The following TMEM132C variants were observed in gnomAD, a reference collection of about 807,000 sequenced individuals.
The protein encoded by TMEM132C is transmembrane protein 132C.
TMEM132C carries 29 observed loss-of-function variants against 61.4 expected under a neutral mutation model. The ratio of observed to expected loss-of-function variants is 0.47; its 90% CI spans 0.35 to 0.64. TMEM132C has a LOEUF of 0.64. TMEM132C is among the 30% of genes least tolerant of loss of function. The pLI, the probability that TMEM132C is intolerant of heterozygous loss-of-function variation, is 0.00. For synonymous variants in TMEM132C, 656 were observed against 633.1 expected (o/e 1.04, Z -0.54); for missense variants, 1,408 against 1,476.9 (o/e 0.95, Z 0.76).
chr12:128,477,939 CATG>C (rs1348982379), intron 2 of TMEM132C, among the ~76,000 whole-genome samples: 2 of 152,120 alleles, frequency 1.3e-5, no homozygotes, highest in Non-Finnish European at 2.9e-5. Flanking sequence ...TTGGTCTCTC[CATG>C]ATGAAAATTG....
intron 4 of TMEM132C, among the ~76,000 whole-genome samples, chr12:128,662,924 T>C (rs1412934619): frequency 6.6e-6 from 1 of 152,130 alleles, no homozygotes; most frequent in Non-Finnish European, 1.5e-5. Flanking sequence ...GAGCCACGAA[T>C]GTGTCTGTTC....
chr12:128,551,063 A>G (rs1247504376), intron 3 of TMEM132C, among the ~76,000 whole-genome samples: 1 of 151,982 alleles, frequency 6.6e-6, no homozygotes, highest in East Asian at 1.9e-4. Flanking sequence ...AATGTGAACT[A>G]TTTCCCTCTC....
chr12:128,558,339 G>A (rs1874399276), intron 3 of TMEM132C, among the ~76,000 whole-genome samples: 1 of 152,160 alleles, frequency 6.6e-6, no homozygotes, highest in Non-Finnish European at 1.5e-5. Context: ...CCCGGTGGGA[G>A]GGAATTGAAT....
intron 2 of TMEM132C, among the ~76,000 whole-genome samples, chr12:128,475,331 T>C (rs113021406): frequency 6.4e-4 from 98 of 152,194 alleles, no homozygotes; most frequent in African/African-American, 2.3e-3. Flanking sequence ...CATAATTTCA[T>C]TTATATAAAA....
At chr12:128,537,859 A>C (rs989512315) in intron 2 of TMEM132C, among the ~76,000 whole-genome samples, 1 of 152,220 alleles carries the variant, frequency 6.6e-6, no homozygotes, top group Non-Finnish European at 1.5e-5. Flanking sequence ...GGCTTTGACA[A>C]TGGACCACAA....
At chr12:128,311,593 G>T (rs1308154397) in intron 1 of TMEM132C, among the ~76,000 whole-genome samples, 2 of 152,194 alleles carry the variant, frequency 1.3e-5, no homozygotes, top group African/African-American at 2.4e-5. Flanking sequence ...CCAGAGGTGC[G>T]CTTAGCTCAC....
At chr12:128,587,186 G>C (rs1875579971) in intron 3 of TMEM132C, among the ~76,000 whole-genome samples, 1 of 152,198 alleles carries the variant, frequency 6.6e-6, no homozygotes, top group South Asian at 2.1e-4. Context: ...ACATAAGATG[G>C]TATCTTAGTT....
At chr12:128,366,443 C>G (rs944353472) in intron 1 of TMEM132C, among the ~76,000 whole-genome samples, 1 of 152,188 alleles carries the variant, frequency 6.6e-6, no homozygotes, top group Non-Finnish European at 1.5e-5. Flanking sequence ...CCTTAATGAC[C>G]TTCTGGCTCC....
intron 3 of TMEM132C, among the ~76,000 whole-genome samples, chr12:128,600,750 C>A (rs1206299843): frequency 6.6e-6 from 1 of 152,250 alleles, no homozygotes; most frequent in Non-Finnish European, 1.5e-5. Flanking sequence ...CCATGGACCA[C>A]AATGATGCGC....
chr12:128,319,803 G>T (rs1872272050), intron 1 of TMEM132C, among the ~76,000 whole-genome samples: 1 of 150,960 alleles, frequency 6.6e-6, no homozygotes, highest in Non-Finnish European at 1.5e-5. Flanking sequence ...TCCAGCCTGG[G>T]TGACAGAGTG....
At chr12:128,671,350 C>T (rs1406544412) in intron 5 of TMEM132C, among the ~76,000 whole-genome samples, 13 of 152,152 alleles carry the variant, frequency 8.5e-5, no homozygotes, top group Non-Finnish European at 8.8e-5. Context: ...CATGATGCTA[C>T]ACCACAATGC....
chr12:128,417,997 G>A (rs898964099), intron 2 of TMEM132C, among the ~76,000 whole-genome samples: 18 of 152,126 alleles, frequency 1.2e-4, no homozygotes, highest in Non-Finnish European at 1.5e-4. Context: ...GCTTGGTGCC[G>A]TGGAGCGCAG....
At chr12:128,444,180 A>G (rs1191608458) in intron 2 of TMEM132C, among the ~76,000 whole-genome samples, 1 of 152,128 alleles carries the variant, frequency 6.6e-6, no homozygotes, top group African/African-American at 2.4e-5. Flanking sequence ...TCAGCCTCCC[A>G]AAGTGCTGGG....
chr12:128,460,344 C>G (rs907231074), intron 2 of TMEM132C, among the ~76,000 whole-genome samples: 1 of 152,318 alleles, frequency 6.6e-6, no homozygotes, highest in Non-Finnish European at 1.5e-5. Context: ...CTCAGGCAGC[C>G]TCTCCTCACA....
intron 5 of TMEM132C, among the ~76,000 whole-genome samples, chr12:128,693,248 C>A (rs1190830332): frequency 6.6e-6 from 1 of 152,112 alleles, no homozygotes; most frequent in East Asian, 1.9e-4. Flanking sequence ...CCCTTTGCAT[C>A]CTTGGAGGCT....
rs182793266 is a variant in TMEM132C, at chr12:128,547,162, T to G, written c.1121+3059T>G. ...GGCGGGGTCCAGCAGAAGCAGTCAGTGCCAGCCAGGAGTGTGTATTCTTGC... is the reference window on the plus strand; with the variant it reads ...GGCGGGGTCCAGCAGAAGCAGTCAGGGCCAGCCAGGAGTGTGTATTCTTGC... On this transcript the variant is annotated intron_variant, in intron 3 of 8. Coordinates refer to ENST00000435159, the MANE Select transcript of TMEM132C (RefSeq NM_001136103.3). Among the ~76,000 whole-genome samples, 388 of 152,266 alleles carry G rather than the reference T, an allele frequency of 2.5e-3. 2 individuals are homozygous for G. Among genetic ancestry groups the G allele is most frequent in the African/African-American group, 8.8e-3 (366 of 41,560 alleles).
At chr12:128,633,596 T>G (rs949888791) in intron 4 of TMEM132C, among the ~76,000 whole-genome samples, 2 of 152,328 alleles carry the variant, frequency 1.3e-5, no homozygotes, top group African/African-American at 2.4e-5. Context: ...CAATAATTTT[T>G]AAGACAATAA....
intron 2 of TMEM132C, among the ~76,000 whole-genome samples, chr12:128,446,879 A>G (rs1283361533): frequency 6.6e-6 from 1 of 152,202 alleles, no homozygotes; most frequent in Non-Finnish European, 1.5e-5. Context: ...ATAGACAGAT[A>G]CAAAATGCAT....
At chr12:128,435,969 G>C (rs550011306) in intron 2 of TMEM132C, among the ~76,000 whole-genome samples, 4 of 152,272 alleles carry the variant, frequency 2.6e-5, no homozygotes, top group African/African-American at 9.6e-5. Context: ...CAATGGAACA[G>C]AACAGAGGCC....
Sources: gnomAD v4.1 joint callset for allele counts (sites outside exome capture counted in the v4.1 genomes callset) on GRCh38, gnomAD v4.1.1 for gene constraint, MANE v1.5 for transcripts, NCBI Gene and HGNC (gene_info 2026-07-23, HGNC 2026-07-21) for gene names.